NTRK2: variants seen among roughly 807,000 people sequenced by gnomAD.
The protein encoded by NTRK2 is neurotrophic receptor tyrosine kinase 2.
NTRK2 carries 13 observed loss-of-function variants against 94.5 expected under a neutral mutation model. The observed-to-expected ratio is 0.14, with a 90% CI of 0.09 to 0.22. NTRK2 has a LOEUF of 0.22. NTRK2 is among the 10% of genes least tolerant of loss of function. The probability of loss-of-function intolerance (pLI) is 1.00; values close to 1 mark genes in which losing one functional copy is unlikely to be tolerated. For missense variants in NTRK2, 639 were observed against 1,071.2 expected, an observed-to-expected ratio of 0.60 and a Z score of 5.63; for synonymous variants, 372 against 407.4, an observed-to-expected ratio of 0.91 and a Z score of 1.05.
intron 16 of NTRK2, among the ~76,000 whole-genome samples, chr9:84,952,983 G>A (rs958649994): frequency 6.6e-6 from 1 of 152,154 alleles, no homozygotes; most frequent in Non-Finnish European, 1.5e-5. Flanking sequence ...TATTTAAATG[G>A]TACCTATGAA....
chr9:84,746,594 C>T (rs1028645576), intron 11 of NTRK2, among the ~76,000 whole-genome samples: 1 of 152,094 alleles, frequency 6.6e-6, no homozygotes, highest in South Asian at 2.1e-4. Flanking sequence ...ATATGAAAGC[C>T]ACACTCTTCA....
chr9:84,813,922 T>A (rs1468023122), intron 12 of NTRK2: 1 of 1,065,470 alleles, frequency 9.4e-7, no homozygotes, highest in Non-Finnish European at 1.1e-6. Flanking sequence ...CCTCTCAGGC[T>A]GCTGAGCTAG....
chr9:84,742,048 G>C (rs1175395555), intron 10 of NTRK2, 121 bp downstream of exon 10: 10 of 847,522 alleles, frequency 1.2e-5, no homozygotes, highest in Non-Finnish European at 1.9e-5. Flanking sequence ...CATTACATAG[G>C]CCAAAATAGT....
rs554020884 is a variant in NTRK2, at chr9:85,011,491, G to A, written c.2173-8715G>A. Among the ~76,000 whole-genome samples the A allele has an allele frequency of 2.7e-3, 413 of 152,246 alleles. 2 individuals are homozygous for A. Among genetic ancestry groups the A allele is most frequent in the Non-Finnish European group, 4.2e-3 (285 of 68,024 alleles). ...GAATGAGGTCATAAGAGTGGGTCCC[G>A]GATCCGATAAGATTAGTGTTCTCAT... On this transcript the variant is annotated intron_variant, in intron 17 of 18. Transcript: ENST00000277120.
intron 17 of NTRK2, among the ~76,000 whole-genome samples, chr9:84,979,820 C>T (rs1827359401): frequency 6.6e-6 from 1 of 152,214 alleles, no homozygotes; most frequent in South Asian, 2.1e-4. Flanking sequence ...CAATCAGGAG[C>T]TGTCACCACG....
At chr9:84,904,785 T>C (rs761863088) in intron 14 of NTRK2, among the ~76,000 whole-genome samples, 6 of 152,182 alleles carry the variant, frequency 3.9e-5, no homozygotes, top group Admixed American at 6.5e-5. Flanking sequence ...TTACTCAAAG[T>C]CCAATCTCTG....
At chr9:84,763,640 C>T (rs1278801186) in intron 12 of NTRK2, among the ~76,000 whole-genome samples, 1 of 152,092 alleles carries the variant, frequency 6.6e-6, no homozygotes, top group Non-Finnish European at 1.5e-5. Context: ...GCATGTTTTT[C>T]CTAAAACTGA....
intron 14 of NTRK2, among the ~76,000 whole-genome samples, chr9:84,906,555 G>C (rs1381064088): frequency 6.6e-6 from 1 of 152,210 alleles, no homozygotes; most frequent in Non-Finnish European, 1.5e-5. Context: ...GAGAACACTT[G>C]ATTTGGTTCT....
In NTRK2 at chr9:84,686,547, G is replaced by A. The variant is rs79786691; in HGVS notation, c.212+15587G>A. On this transcript the variant is annotated intron_variant, in intron 2 of 18. Transcript: ENST00000277120. ...GCTTCACTTAAAAGGCAATTCTGGTGTGAGATTTCGGATGTGATTTATCCT... is the reference window on the plus strand; with the variant it reads ...GCTTCACTTAAAAGGCAATTCTGGTATGAGATTTCGGATGTGATTTATCCT... 6.4e-4 allele frequency among the ~76,000 whole-genome samples: 97 copies of A among 152,340 alleles called. 2 individuals are homozygous for A. The East Asian group carries it at 0.017, about 27-fold the overall frequency.
intron 2 of NTRK2, among the ~76,000 whole-genome samples, chr9:84,692,150 G>A (rs1048104380): frequency 2.6e-5 from 4 of 152,012 alleles, no homozygotes; most frequent in Non-Finnish European, 2.9e-5. Context: ...ATCGGCTGTC[G>A]TGGATTACTG....
rs1437034761 is a variant in NTRK2, at chr9:84,934,260, C to A, written c.1732C>A (p.Pro578Thr). The A allele has an allele frequency of 1.2e-6, 2 of 1,613,890 alleles. No homozygotes were observed. The highest frequency in any genetic ancestry group is 1.7e-6 in the Non-Finnish European group (2 of 1,179,932). Residue 578 changes from proline to threonine, a missense_variant, in exon 15 of 19, where the codon CCT (proline) becomes ACT (threonine). Pro to Thr is a conservative substitution (Grantham distance 38). This residue lies in a region of NTRK2 where 343 missense variants were observed against 571.5 expected (regional missense o/e 0.60). Transcript: ENST00000277120. ...VFLAECYNLCPEQDKILVAVK... is the reference protein window; with the variant it reads ...VFLAECYNLCTEQDKILVAVK... The stretch of plus-strand genomic sequence containing the variant: ...CCTAGCTGAATGCTATAACCTCTGT[C>A]CTGAGCAGGACAAGATCTTGGTGGC...
At chr9:84,734,584 G>A (rs956410545) in intron 9 of NTRK2, among the ~76,000 whole-genome samples, 1 of 152,164 alleles carries the variant, frequency 6.6e-6, no homozygotes, top group African/African-American at 2.4e-5. Flanking sequence ...GGACCTAATG[G>A]GAGGTAATTG....
At chr9:84,712,559 A>G (rs142405780) in intron 6 of NTRK2, among the ~76,000 whole-genome samples, 2 of 152,350 alleles carry the variant, frequency 1.3e-5, no homozygotes, top group African/African-American at 4.8e-5. Context: ...TCAAAAAGCA[A>G]CATTATAGAA....
At chr9:84,779,245 T>G (rs552013956) in intron 12 of NTRK2, among the ~76,000 whole-genome samples, 30 of 152,340 alleles carry the variant, frequency 2.0e-4, no homozygotes, top group Non-Finnish European at 3.4e-4. Context: ...CTGGTGACAT[T>G]GATTTAGAGC....
intron 14 of NTRK2, among the ~76,000 whole-genome samples, chr9:84,905,478 T>G (rs2077046620): frequency 6.6e-6 from 1 of 152,184 alleles, no homozygotes; most frequent in Non-Finnish European, 1.5e-5. Context: ...CAAGCTATCT[T>G]ACAAACCAGT....
rs190441561 is a variant in NTRK2, at chr9:85,014,823, C to T, written c.2173-5383C>T. On this transcript the variant is annotated intron_variant, in intron 17 of 18. Transcript: ENST00000277120. ...TCAGGCCTGGGTATTTTAACTAGAA[C>T]GCAGTTGTTATTTTTCTCTACATAT... 9.2e-5 allele frequency among the ~76,000 whole-genome samples: 14 copies of T among 152,262 alleles called. No individual in the cohort carries two copies. The East Asian group carries it at 1.7e-3, about 19-fold the overall frequency.
intron 14 of NTRK2, among the ~76,000 whole-genome samples, chr9:84,886,971 T>G (rs944131007): frequency 6.6e-6 from 1 of 152,158 alleles, no homozygotes; most frequent in African/African-American, 2.4e-5. Context: ...GGTAAGCAGT[T>G]TTTCTTGACT....
intron 2 of NTRK2, among the ~76,000 whole-genome samples, chr9:84,675,259 T>G (rs1191726092): frequency 6.6e-6 from 1 of 151,228 alleles, no homozygotes; most frequent in East Asian, 1.9e-4. Context: ...TAAAAACTAG[T>G]GTTTTTGTTT....
rs1037472452 is a variant in NTRK2, at chr9:84,877,381, C to T, written c.1633+9950C>T. On this transcript the variant is annotated intron_variant, in intron 14 of 18. Transcript: ENST00000277120. Reference sequence around the variant, plus strand: ...GGGTTGGGGGATTAGTTCATATGGTCCCCATGCCATCTATTTACTTTTGGA... The same window carrying T: ...GGGTTGGGGGATTAGTTCATATGGTTCCCATGCCATCTATTTACTTTTGGA... The T allele has an allele frequency of 1.0e-5, 11 of 1,066,118 alleles. No individual in the cohort carries two copies. In the East Asian group the frequency reaches 3.0e-4, roughly 29 times the overall value. The allele number at this position is 1,066,118 out of a possible 1,614,324, so 66.0% of individuals were successfully genotyped here.
Sources: gnomAD v4.1 joint callset for allele counts (sites outside exome capture counted in the v4.1 genomes callset) on GRCh38, gnomAD v4.1.1 for gene constraint, gnomAD v4.1.1 regional missense constraint, MANE v1.5 for transcripts, NCBI Gene and HGNC (gene_info 2026-07-23, HGNC 2026-07-21) for gene names.